Variants in CCDC174 observed in about 807,000 individuals in gnomAD.
The protein encoded by CCDC174 is coiled-coil domain-containing protein 174.
Under a neutral mutation model 57.1 loss-of-function variants are expected in CCDC174, and 37 were observed. The observed-to-expected ratio is 0.65, with a 90% confidence interval of 0.50 to 0.85. The LOEUF (loss-of-function observed/expected upper bound fraction) is 0.85, where lower values mean the gene tolerates loss of function less well. Among genes scored for constraint, CCDC174 ranks in the 40% least tolerant of loss-of-function variants. The pLI, the probability that CCDC174 is intolerant of heterozygous loss-of-function variation, is 0.00. For synonymous variants in CCDC174, 182 were observed against 190.2 expected (o/e 0.96, Z 0.35); for missense variants, 540 against 574.3 (o/e 0.94, Z 0.61).
intron 2 of CCDC174, 137 bp from the exon 3 acceptor site, chr3:14,655,392 A>G (rs1199060960): frequency 3.9e-6 from 2 of 511,686 alleles, no homozygotes; most frequent in African/African-American, 2.0e-5. Flanking sequence ...GTATCTTTGT[A>G]GGACACAGCT....
Position 14,671,300 on chromosome 3 carries a change from C to A in CCDC174, c.*106C>A. On this transcript the variant is annotated 3_prime_UTR_variant, in exon 11 of 11. Coordinates refer to ENST00000383794, the MANE Select transcript of CCDC174 (RefSeq NM_016474.5). ...ATTGTACCTTTGTCCTGTCCTTTCC[C>A]TAGGAGGCACAGACTTCGGGTTGGA... 8.4e-7 allele frequency: 1 copy of A among 1,188,300 alleles called. No individual in the cohort carries two copies. The highest frequency in any genetic ancestry group is 1.2e-6 in the Non-Finnish European group (1 of 852,060). The allele number at this position is 1,188,300 out of a possible 1,614,324, so 73.6% of individuals were successfully genotyped here.
chr3:14,670,225 C>T (rs1020623199), intron 10 of CCDC174, 139 bp downstream of exon 10: 7 of 800,226 alleles, frequency 8.7e-6, no homozygotes, highest in Middle Eastern at 3.6e-4. Context: ...TTCTCAGGAC[C>T]TGCCTTTAAA....
chr3:14,657,326 G>A (rs2030991211), intron 3 of CCDC174, among the ~76,000 whole-genome samples: 1 of 152,186 alleles, frequency 6.6e-6, no homozygotes, highest in South Asian at 2.1e-4. Flanking sequence ...TATCTGTTAA[G>A]ACTCTTTCTT....
At position 14,658,306 on chromosome 3, in the gene CCDC174, T is replaced by A. The variant is rs143451458; in HGVS notation, c.249-565T>A. Among the ~76,000 whole-genome samples, 652 of 152,362 alleles carry A rather than the reference T, an allele frequency of 4.3e-3. 3 individuals are homozygous for A. In the Middle Eastern group the frequency reaches 0.048, roughly 11 times the overall value. ...GATGTGTAAAATAAAAGAGGAATGT[T>A]TCTGACATTGTGATTAAGAGTGGTC... On this transcript the variant is annotated intron_variant, in intron 3 of 10. Transcript: ENST00000383794.
Position 14,670,992 on chromosome 3 carries a change from A to G in CCDC174, c.1202A>G (p.Lys401Arg). 1 of 1,614,186 alleles carries G rather than the reference A, an allele frequency of 6.2e-7. No homozygotes were observed. Residue 401 changes from lysine (K) to arginine (R), a missense_variant, in exon 11 of 11, where the codon AAG (lysine) becomes AGG (arginine). Coordinates refer to ENST00000383794, the MANE Select transcript of CCDC174 (RefSeq NM_016474.5). ...APPSDYFVGQ[K>R]RTGFSSSQAW... Reference sequence around the variant, plus strand: ...CCGTCAGATTACTTTGTGGGTCAGAAGAGAACTGGTTTTTCCAGCAGCCAG... The same window carrying G: ...CCGTCAGATTACTTTGTGGGTCAGAGGAGAACTGGTTTTTCCAGCAGCCAG...
At chr3:14,657,108 T>A (rs1302346915) in intron 3 of CCDC174, among the ~76,000 whole-genome samples, 1 of 152,254 alleles carries the variant, frequency 6.6e-6, no homozygotes, top group Non-Finnish European at 1.5e-5. Context: ...AAAGTTACCA[T>A]GATCTTTTAT....
At chr3:14,654,682 A>G (rs2030892593) in intron 2 of CCDC174, 152 bp downstream of exon 2, 3 of 514,560 alleles carry the variant, frequency 5.8e-6, no homozygotes, top group African/African-American at 2.0e-5. Context: ...AAATGTTATT[A>G]AAATAGAAAT....
In CCDC174 at chr3:14,667,270, G is replaced by GT. The variant is rs1003069474; in HGVS notation, c.725-148dup. On this transcript the variant is annotated intron_variant, in intron 7 of 10. Transcript: ENST00000383794. ...TTGGTCTAACTTTTGTGTTTCTTTG[G>GT]TTTTTTGTTTCTTCGCTTAGCTGTT... 5 of 676,616 alleles carry GT rather than the reference G, an allele frequency of 7.4e-6. No homozygotes were observed. In the Admixed American group the frequency reaches 1.2e-4, roughly 16 times the overall value. 41.9% of individuals were successfully genotyped at this position (676,616 alleles called of 1,614,324 possible).
chr3:14,663,628 C>A (rs995501709), intron 5 of CCDC174, among the ~76,000 whole-genome samples: 2 of 152,106 alleles, frequency 1.3e-5, no homozygotes, highest in Admixed American at 6.5e-5. Flanking sequence ...TAGATGGAGC[C>A]GTGGCTGACT....
At chr3:14,654,591 T>TGG in intron 2 of CCDC174, 61 bp downstream of exon 2, 1 of 814,366 alleles carries the variant, frequency 1.2e-6, no homozygotes, top group Non-Finnish European at 2.0e-6. Flanking sequence ...ATACCATATT[T>TGG]AAGTGTTTTA....
chr3:14,669,669 A>T (rs1430604425), intron 9 of CCDC174, among the ~76,000 whole-genome samples: 1 of 152,206 alleles, frequency 6.6e-6, no homozygotes, highest in East Asian at 1.9e-4. Flanking sequence ...TCCAGCCCGT[A>T]TCACTTTCTA....
At chr3:14,657,715 T>G (rs1307051746) in intron 3 of CCDC174, among the ~76,000 whole-genome samples, 1 of 152,256 alleles carries the variant, frequency 6.6e-6, no homozygotes, top group Non-Finnish European at 1.5e-5. Flanking sequence ...TACTGGTCTC[T>G]CTTGAAAATG....
At chr3:14,669,904 AAC>A (rs754431840) in intron 9 of CCDC174, 28 bp from the exon 10 acceptor site, 2 of 1,608,086 alleles carry the variant, frequency 1.2e-6, no homozygotes, top group East Asian at 4.5e-5. Flanking sequence ...GCTTTTTTAT[AAC>A]AGTGTCTTAT....
At chr3:14,663,762 T>C (rs1216774844) in intron 5 of CCDC174, among the ~76,000 whole-genome samples, 1 of 152,238 alleles carries the variant, frequency 6.6e-6, no homozygotes, top group Non-Finnish European at 1.5e-5. Flanking sequence ...TAATGTCTTT[T>C]TAAAAATTTT....
At chr3:14,661,449 G>A in intron 4 of CCDC174, 81 bp from the exon 5 acceptor site, 2 of 1,215,552 alleles carry the variant, frequency 1.6e-6, no homozygotes, top group Non-Finnish European at 2.3e-6. Flanking sequence ...GGGGCCACCA[G>A]GCAATGAATG....
intron 8 of CCDC174, 29 bp from the exon 9 acceptor site, chr3:14,668,020 A>G (rs375651808): frequency 6.4e-7 from 1 of 1,557,376 alleles, no homozygotes; most frequent in South Asian, 1.2e-5. Flanking sequence ...TTTGGCTTCA[A>G]GCAAATAATT....
intron 9 of CCDC174, among the ~76,000 whole-genome samples, chr3:14,668,827 A>G (rs2124849222): frequency 6.6e-6 from 1 of 152,308 alleles, no homozygotes; most frequent in African/African-American, 2.4e-5. Context: ...GTGAGTGGGT[A>G]TCCAGGGCAT....
At chr3:14,670,627 A>G (rs1000767526) in intron 10 of CCDC174, among the ~76,000 whole-genome samples, 13 of 152,206 alleles carry the variant, frequency 8.5e-5, no homozygotes, top group African/African-American at 3.1e-4. Context: ...AATACCTACA[A>G]TGTCATGTCA....
intron 4 of CCDC174, among the ~76,000 whole-genome samples, chr3:14,659,730 A>C (rs2031065719): frequency 6.6e-6 from 1 of 152,094 alleles, no homozygotes; most frequent in African/African-American, 2.4e-5. Context: ...CCCTTTTCTC[A>C]TATCCCCCAG....
Sources: allele counts gnomAD v4.1 joint callset (sites outside exome capture counted in the v4.1 genomes callset), GRCh38; gene constraint gnomAD v4.1.1; transcripts MANE v1.5; gene names NCBI Gene and HGNC (gene_info 2026-07-23, HGNC 2026-07-21).